KIF26B: variants seen among roughly 807,000 people sequenced by gnomAD.
The protein encoded by KIF26B is kinesin family member 26B.
Under a neutral mutation model 151.2 loss-of-function variants are expected in KIF26B, and 63 were observed. That is an observed-to-expected ratio of 0.42 (90% CI 0.34 to 0.51). The LOEUF (loss-of-function observed/expected upper bound fraction) is 0.51. KIF26B is among the 20% of genes least tolerant of loss of function. The probability of loss-of-function intolerance (pLI) is 0.07; values close to 1 mark genes in which losing one functional copy is unlikely to be tolerated. For synonymous variants in KIF26B, 1,357 were observed against 1,262.1 expected, an observed-to-expected ratio of 1.08 and a Z score of -1.59; for missense variants, 2,813 against 2,913.6, an observed-to-expected ratio of 0.97 and a Z score of 0.79.
chr1:245,268,634 G>C (rs991801347), intron 2 of KIF26B, among the ~76,000 whole-genome samples: 4 of 151,860 alleles, frequency 2.6e-5, no homozygotes, highest in Non-Finnish European at 5.9e-5. Context: ...TTTAAGTACA[G>C]ACATACAAGT....
In KIF26B at chr1:245,688,179, C is replaced by T. The variant is rs1160385306; in HGVS notation, c.5196C>T (p.Ile1732=). The part of the protein sequence containing the change: ...GASPKAGQSK[I]SAVSRLLLAS... ...CGCCCAAGGCCGGCCAGTCCAAGAT[C>T]TCCGCCGTGAGCAGACTCCTCCTGG... The change falls in exon 12 of 15, where the codon ATC becomes ATT. Residue 1732 remains isoleucine (I), a synonymous_variant. Transcript: ENST00000407071. 62 of 1,597,888 alleles carry T rather than the reference C, an allele frequency of 3.9e-5. No individual in the cohort carries two copies. The highest frequency in any genetic ancestry group is 5.0e-5 in the Non-Finnish European group (59 of 1,178,654).
chr1:245,557,381 G>T (rs1662066107), intron 5 of KIF26B, among the ~76,000 whole-genome samples: 1 of 152,184 alleles, frequency 6.6e-6, no homozygotes, highest in Non-Finnish European at 1.5e-5. Context: ...GTCGCAGCCG[G>T]CAGGTCCCAG....
chr1:245,482,534 G>A (rs1228137865), intron 4 of KIF26B, among the ~76,000 whole-genome samples: 1 of 151,792 alleles, frequency 6.6e-6, no homozygotes, highest in African/African-American at 2.4e-5. Flanking sequence ...TCTTCTGAGA[G>A]CTTGGGGAAA....
At chr1:245,404,423 C>T (rs1674084032) in intron 3 of KIF26B, among the ~76,000 whole-genome samples, 1 of 152,026 alleles carries the variant, frequency 6.6e-6, no homozygotes, top group African/African-American at 2.4e-5. Flanking sequence ...GCTGGGGATC[C>T]CTGAGGTGTC....
intron 2 of KIF26B, among the ~76,000 whole-genome samples, chr1:245,193,138 C>T (rs115865379): frequency 0.092 from 13,957 of 152,230 alleles, 681 homozygotes; most frequent in South Asian, 0.18. Context: ...TGAGAACACA[C>T]GGTATTTGGT....
chr1:245,455,854 G>T (rs1203711939), intron 4 of KIF26B, among the ~76,000 whole-genome samples: 1 of 152,174 alleles, frequency 6.6e-6, no homozygotes, highest in East Asian at 1.9e-4. Context: ...AGGACATTCA[G>T]CCACTCAGCA....
intron 4 of KIF26B, among the ~76,000 whole-genome samples, chr1:245,525,896 TTAAAA>T (rs1210580046): frequency 1.3e-5 from 2 of 152,050 alleles, no homozygotes; most frequent in Non-Finnish European, 2.9e-5. Flanking sequence ...ATCTGAGTAC[TTAAAA>T]TAATGTAATT....
Position 245,488,904 on chromosome 1 carries a change from C to G in KIF26B, c.1167-51863C>G, listed in dbSNP as rs1024104254. On this transcript the variant is annotated intron_variant, in intron 4 of 14. Coordinates refer to ENST00000407071, the MANE Select transcript of KIF26B (RefSeq NM_018012.4). The surrounding 1 kb of genome is among the most constrained non-coding windows in gnomAD (Gnocchi z 4.6). The stretch of plus-strand genomic sequence containing the variant: ...TTGCAGTTGGTAGATGCAAAATATG[C>G]TGATAAGATTAAAGCTCCTCTAGTG... Among the ~76,000 whole-genome samples the G allele has an allele frequency of 3.9e-5, 6 of 152,140 alleles. No homozygotes were observed. Among genetic ancestry groups the G allele is most frequent in the African/African-American group, 1.2e-4 (5 of 41,434 alleles).
At chr1:245,631,447 A>G (rs2043780375) in intron 9 of KIF26B, among the ~76,000 whole-genome samples, 1 of 152,212 alleles carries the variant, frequency 6.6e-6, no homozygotes, top group South Asian at 2.1e-4. Context: ...CATACATCGA[A>G]CCATCATTGC....
rs1382438012 is a variant in KIF26B, at chr1:245,218,528, C to G, written c.465+61845C>G. ...GGCCGATGGTTTTCACTCAATCCGC[C>G]GGGAGATCTGAATATCAACTCTCTA... On this transcript the variant is annotated intron_variant, in intron 2 of 14. Transcript: ENST00000407071. This position sits in a 1 kb window ranked among gnomAD's most constrained non-coding sequence, Gnocchi z 4.1. Among the ~76,000 whole-genome samples the G allele has an allele frequency of 6.6e-6, 1 of 152,086 alleles. No individual in the cohort carries two copies. Among genetic ancestry groups the G allele is most frequent in the Non-Finnish European group, 1.5e-5 (1 of 68,016 alleles).
chr1:245,187,523 A>G (rs548943888), intron 2 of KIF26B, among the ~76,000 whole-genome samples: 3 of 152,254 alleles, frequency 2.0e-5, no homozygotes, highest in African/African-American at 7.2e-5. Context: ...GACACTAGGC[A>G]TAACTAGTGG....
intron 5 of KIF26B, among the ~76,000 whole-genome samples, chr1:245,576,132 G>C (rs1001090920): frequency 1.1e-4 from 16 of 152,112 alleles, no homozygotes; most frequent in African/African-American, 3.9e-4. Flanking sequence ...AAAACTGTAA[G>C]AATGAAATAT....
chr1:245,467,786 T>C (rs932273568), intron 4 of KIF26B, among the ~76,000 whole-genome samples: 22 of 151,876 alleles, frequency 1.4e-4, no homozygotes, highest in African/African-American at 5.3e-4. Context: ...TCCCAGCTAC[T>C]AGGGAGGCTG....
At position 245,688,554 on chromosome 1, in the gene KIF26B, G is replaced by A. The variant is rs1246043908; in HGVS notation, c.5571G>A (p.Pro1857=). The A allele has an allele frequency of 9.7e-6, 15 of 1,546,168 alleles. No homozygotes were observed. Among genetic ancestry groups the A allele is most frequent in the Non-Finnish European group, 1.3e-5 (15 of 1,148,516 alleles). Reference sequence around the variant, plus strand: ...CGCCCTACAGCAAGATCACGCCCCCGCGGAGGCCCCACCGCTGCAGCAGCG... The same window carrying A: ...CGCCCTACAGCAAGATCACGCCCCCACGGAGGCCCCACCGCTGCAGCAGCG... ...LPSPYSKITP[P]RRPHRCSSGH... The change falls in exon 12 of 15, where the codon CCG becomes CCA. Residue 1857 remains proline (P), a synonymous_variant. Transcript: ENST00000407071.
intron 5 of KIF26B, among the ~76,000 whole-genome samples, chr1:245,549,358 A>G (rs1204953151): frequency 2.0e-5 from 3 of 152,178 alleles, no homozygotes; most frequent in Admixed American, 1.3e-4. Flanking sequence ...AATAAGATGG[A>G]TTATAATGCC....
At chr1:245,173,294 T>G (rs1668744375) in intron 2 of KIF26B, among the ~76,000 whole-genome samples, 1 of 152,016 alleles carries the variant, frequency 6.6e-6, no homozygotes, top group African/African-American at 2.4e-5. Context: ...TGCACAATGG[T>G]GGGGGCGTAC....
chr1:245,490,944 C>T (rs761388030), intron 4 of KIF26B, among the ~76,000 whole-genome samples: 101 of 152,270 alleles, frequency 6.6e-4, no homozygotes, highest in Non-Finnish European at 1.0e-3. Context: ...CAAAACAGTG[C>T]AGGTAAATGG....
At chr1:245,331,249 C>G in intron 2 of KIF26B, among the ~76,000 whole-genome samples, 1 of 152,058 alleles carries the variant, frequency 6.6e-6, no homozygotes, top group East Asian at 1.9e-4. Flanking sequence ...GGACCAGAGG[C>G]TTCCCAGCGC....
Position 245,169,328 on chromosome 1 carries a change from G to GGCGTGTGGGTGTGT in KIF26B, c.465+12646_465+12647insCGTGTGGGTGTGTG, listed in dbSNP as rs1668665994. Among the ~76,000 whole-genome samples, 5 of 134,178 alleles carry GGCGTGTGGGTGTGT rather than the reference G, an allele frequency of 3.7e-5. No homozygotes were observed. The South Asian group carries it at 1.2e-3, about 33-fold the overall frequency. 88.0% of individuals were successfully genotyped at this position (134,178 alleles called of 152,430 possible). A position where few individuals can be genotyped will look rare whatever the true frequency, so the allele number is the denominator to read the frequency against. On this transcript the variant is annotated intron_variant, in intron 2 of 14. Coordinates refer to ENST00000407071, the MANE Select transcript of KIF26B (RefSeq NM_018012.4). Reference sequence around the variant, plus strand: ...TGCACTCGACTTTCTAACGGGCCATGGTGTGTGTGTGTGTGTGTGTGTGTG... The same window carrying GGCGTGTGGGTGTGT: ...TGCACTCGACTTTCTAACGGGCCATGGCGTGTGGGTGTGTGTGTGTGTGTGTGTGTGTGTGTGTG...
Sources: allele counts gnomAD v4.1 joint callset (sites outside exome capture counted in the v4.1 genomes callset), GRCh38; gene constraint gnomAD v4.1.1; non-coding constraint Gnocchi (gnomAD v3.1); transcripts MANE v1.5; gene names NCBI Gene and HGNC (gene_info 2026-07-23, HGNC 2026-07-21).